The following FOXP2 variants were observed in gnomAD, a reference collection of about 807,000 sequenced individuals.
FOXP2 encodes forkhead box P2.
A neutral mutation model predicts 115.8 loss-of-function variants in FOXP2; 12 were observed. That is an observed-to-expected ratio of 0.10 (90% CI 0.07 to 0.17). The LOEUF (loss-of-function observed/expected upper bound fraction) is 0.17. FOXP2 is among the 10% of genes least tolerant of loss of function. The probability of loss-of-function intolerance (pLI) is 1.00; values close to 1 mark genes in which losing one functional copy is unlikely to be tolerated. For synonymous variants in FOXP2, 328 were observed against 297.7 expected (o/e 1.10, Z -1.05); for missense variants, 629 against 843.5 (o/e 0.75, Z 3.15).
chr7:114,319,576 T>A (rs1797361923), intron 2 of FOXP2, among the ~76,000 whole-genome samples: 1 of 152,050 alleles, frequency 6.6e-6, no homozygotes, highest in South Asian at 2.1e-4. Context: ...GAACCTCCTG[T>A]TTTTAAAACC....
chr7:114,397,595 A>G (rs1283745056), intron 2 of FOXP2, among the ~76,000 whole-genome samples: 1 of 152,192 alleles, frequency 6.6e-6, no homozygotes, highest in African/African-American at 2.4e-5. Context: ...AGATGTTAAA[A>G]TACCCTAAGA....
intron 1 of FOXP2, among the ~76,000 whole-genome samples, chr7:114,260,487 C>G (rs1002175901): frequency 3.3e-5 from 5 of 151,416 alleles, no homozygotes; most frequent in African/African-American, 9.7e-5. Flanking sequence ...ATAAAATTAT[C>G]TAAGAATTTG....
At chr7:114,685,309 T>C (rs1226798870) in intron 16 of FOXP2, among the ~76,000 whole-genome samples, 1 of 152,190 alleles carries the variant, frequency 6.6e-6, no homozygotes, top group South Asian at 2.1e-4. Context: ...AATTCTTTAA[T>C]ACATAGTATT....
chr7:114,209,574 G>C (rs561093284), intron 1 of FOXP2, among the ~76,000 whole-genome samples: 1 of 152,028 alleles, frequency 6.6e-6, no homozygotes, highest in African/African-American at 2.4e-5. Context: ...CTGGCTGCCC[G>C]TAACATTTTT....
chr7:114,224,695 CT>C (rs1048080464), intron 1 of FOXP2, among the ~76,000 whole-genome samples: 5 of 150,946 alleles, frequency 3.3e-5, no homozygotes, highest in Non-Finnish European at 7.4e-5. Flanking sequence ...TCATTCCTGC[CT>C]TTTTTTTTAA....
intron 1 of FOXP2, among the ~76,000 whole-genome samples, chr7:114,422,696 T>C (rs1793673167): frequency 6.6e-6 from 1 of 151,664 alleles, no homozygotes. Context: ...GTGGCTGAGA[T>C]AACACAATTA....
upstream of FOXP2, among the ~76,000 whole-genome samples, chr7:114,159,577 G>A (rs1792773700): frequency 6.6e-6 from 1 of 152,040 alleles, no homozygotes; most frequent in African/African-American, 2.4e-5. Flanking sequence ...TTGGATGAAT[G>A]TGTAAAATTA....
At chr7:114,661,925 C>A in intron 13 of FOXP2, 140 bp from the exon 14 acceptor site, 1 of 1,056,230 alleles carries the variant, frequency 9.5e-7, no homozygotes, top group Non-Finnish European at 1.4e-6. Flanking sequence ...TTTGTAATAT[C>A]ATGCCATATT....
chr7:114,256,280 T>C (rs1795610893), intron 1 of FOXP2, among the ~76,000 whole-genome samples: 1 of 151,946 alleles, frequency 6.6e-6, no homozygotes, highest in Admixed American at 6.5e-5. Flanking sequence ...TTTTTTTGTA[T>C]TTTTTTAGTA....
At chr7:114,131,415 T>C (rs1443465172) in intron 1 of FOXP2, among the ~76,000 whole-genome samples, 1 of 152,174 alleles carries the variant, frequency 6.6e-6, no homozygotes, top group Non-Finnish European at 1.5e-5. Flanking sequence ...CATGCACACA[T>C]GCACATACAT....
chr7:114,644,420 G>T (rs1415238290), intron 7 of FOXP2, among the ~76,000 whole-genome samples: 1 of 152,030 alleles, frequency 6.6e-6, no homozygotes, highest in African/African-American at 2.4e-5. Context: ...TCATAAGGCA[G>T]GATTAGCATA....
intron 5 of FOXP2, chr7:114,630,550 A>G (rs1279283801): frequency 6.0e-6 from 1 of 166,218 alleles, no homozygotes; most frequent in East Asian, 1.6e-4. Flanking sequence ...ACTTGTCAGC[A>G]AACTGCATCA....
At chr7:114,149,069 A>G (rs1175462044) in intron 1 of FOXP2, among the ~76,000 whole-genome samples, 3 of 152,136 alleles carry the variant, frequency 2.0e-5, no homozygotes. Flanking sequence ...TGCACATGCA[A>G]ATATTTTTGA....
intron 1 of FOXP2, among the ~76,000 whole-genome samples, chr7:114,274,184 G>T (rs779159927): frequency 6.6e-5 from 10 of 151,746 alleles, no homozygotes; most frequent in Non-Finnish European, 1.5e-4. Context: ...TGGGTAGTGT[G>T]AGTACCTTAT....
intron 2 of FOXP2, among the ~76,000 whole-genome samples, chr7:114,508,598 G>A (rs1038837560): frequency 2.6e-5 from 4 of 151,912 alleles, no homozygotes; most frequent in African/African-American, 9.7e-5. Context: ...AACCTAAAGG[G>A]TGGAGCTTTA....
chr7:114,271,973 A>C (rs182715514), intron 1 of FOXP2, among the ~76,000 whole-genome samples: 19,070 of 132,602 alleles, frequency 0.14, 1,987 homozygotes, highest in Non-Finnish European at 0.22. Context: ...ATTATATATA[A>C]TATAATTATA....
chr7:114,468,739 C>T (rs750003835), intron 2 of FOXP2, among the ~76,000 whole-genome samples: 1 of 152,048 alleles, frequency 6.6e-6, no homozygotes, highest in Admixed American at 6.6e-5. Flanking sequence ...ATGCATGATA[C>T]AATACATCAA....
intron 2 of FOXP2, among the ~76,000 whole-genome samples, chr7:114,507,490 C>A (rs1023261258): frequency 1.3e-5 from 2 of 151,852 alleles, no homozygotes; most frequent in Non-Finnish European, 2.9e-5. Context: ...TATTCCTTAT[C>A]TCAAGGATAA....
At chr7:114,339,483 C>T (rs531419390) in intron 2 of FOXP2, among the ~76,000 whole-genome samples, 30 of 150,946 alleles carry the variant, frequency 2.0e-4, no homozygotes, top group African/African-American at 6.8e-4. Flanking sequence ...GTAGAAATTA[C>T]CCTTTTTCTT....
Sources: allele counts gnomAD v4.1 joint callset (sites outside exome capture counted in the v4.1 genomes callset), GRCh38; gene constraint gnomAD v4.1.1; transcripts MANE v1.5; gene names NCBI Gene and HGNC (gene_info 2026-07-23, HGNC 2026-07-21).